The following SCD5 variants were observed in gnomAD, a reference collection of about 807,000 sequenced individuals.
SCD5 encodes stearoyl-CoA desaturase 5.
In SCD5, 20 loss-of-function variants were observed where a neutral mutation model predicts 30.4. That is an observed-to-expected ratio of 0.66 (90% CI 0.46 to 0.96). The LOEUF is 0.96. SCD5 is among the 40% of genes least tolerant of loss of function. The pLI is 0.00. For missense variants in SCD5, 381 were observed against 443.3 expected, an observed-to-expected ratio of 0.86 and a Z score of 1.26; for synonymous variants, 173 against 176.4, an observed-to-expected ratio of 0.98 and a Z score of 0.16.
chr4:82,647,437 A>T (rs903928482), intron 3 of SCD5, among the ~76,000 whole-genome samples: 1 of 152,232 alleles, frequency 6.6e-6, no homozygotes, highest in Admixed American at 6.5e-5. Context: ...CACCGTCATG[A>T]TCAATATCAG....
chr4:82,648,632 A>G (rs984271523), intron 3 of SCD5, among the ~76,000 whole-genome samples: 5 of 152,112 alleles, frequency 3.3e-5, no homozygotes, highest in Non-Finnish European at 5.9e-5. Flanking sequence ...CCTTATATTT[A>G]CTTATTAAAT....
At chr4:82,645,482 A>T (rs940743713) in intron 3 of SCD5, among the ~76,000 whole-genome samples, 23 of 152,212 alleles carry the variant, frequency 1.5e-4, no homozygotes, top group African/African-American at 5.5e-4. Flanking sequence ...TTTACAGGTT[A>T]TTTCTAGAGC....
At chr4:82,660,570 T>A in intron 3 of SCD5, 8 of 1,204,146 alleles carry the variant, frequency 6.6e-6, no homozygotes, top group Non-Finnish European at 8.4e-6. Context: ...TCACATATAT[T>A]AACTAATGTA....
At chr4:82,716,629 C>A (rs1190415595) in intron 1 of SCD5, among the ~76,000 whole-genome samples, 1 of 151,746 alleles carries the variant, frequency 6.6e-6, no homozygotes, top group Non-Finnish European at 1.5e-5. Flanking sequence ...GCCTGGCCAA[C>A]ATGGTGAAAC....
intron 3 of SCD5, among the ~76,000 whole-genome samples, chr4:82,670,028 A>G (rs544419265): frequency 6.6e-6 from 1 of 152,248 alleles, no homozygotes; most frequent in South Asian, 2.1e-4. Flanking sequence ...CTACCCCCAC[A>G]CACCTCCCAC....
At chr4:82,655,011 A>G (rs753476798) in intron 3 of SCD5, among the ~76,000 whole-genome samples, 2 of 152,222 alleles carry the variant, frequency 1.3e-5, no homozygotes, top group Non-Finnish European at 2.9e-5. Context: ...GGCCCTCACC[A>G]TGCCAGTCAG....
intron 2 of SCD5, among the ~76,000 whole-genome samples, chr4:82,688,865 T>A (rs558405619): frequency 6.6e-6 from 1 of 152,304 alleles, no homozygotes; most frequent in South Asian, 2.1e-4. Context: ...AAATAAGACT[T>A]TTCACTTTTA....
intron 2 of SCD5, chr4:82,697,932 T>C (rs1483984522): frequency 2.2e-6 from 1 of 450,178 alleles, no homozygotes; most frequent in Non-Finnish European, 4.5e-6. Flanking sequence ...TTTGCTCTTT[T>C]CTCATGACTT....
chr4:82,712,241 A>AACAT (rs1720106435), intron 1 of SCD5, among the ~76,000 whole-genome samples: 2 of 53,322 alleles, frequency 3.8e-5, no homozygotes, highest in Non-Finnish European at 8.0e-5. Flanking sequence ...GGGACCAACT[A>AACAT]ACATATATAT....
intron 1 of SCD5, among the ~76,000 whole-genome samples, chr4:82,771,809 G>A (rs1721629142): frequency 1.3e-5 from 2 of 152,172 alleles, no homozygotes; most frequent in Admixed American, 6.5e-5. Flanking sequence ...GGTGAAAACT[G>A]TGTCAGAGAA....
chr4:82,648,782 T>A (rs1383258221), intron 3 of SCD5, among the ~76,000 whole-genome samples: 4 of 152,152 alleles, frequency 2.6e-5, no homozygotes, highest in African/African-American at 9.7e-5. Flanking sequence ...ACCAGACAAC[T>A]AAGACTATTC....
intron 2 of SCD5, among the ~76,000 whole-genome samples, chr4:82,689,329 G>C (rs1301236080): frequency 1.3e-5 from 2 of 152,130 alleles, no homozygotes; most frequent in Non-Finnish European, 2.9e-5. Flanking sequence ...GGAGGCTGAG[G>C]ATTTCAAGAC....
chr4:82,752,736 C>T (rs1036871448), intron 1 of SCD5, among the ~76,000 whole-genome samples: 4 of 152,116 alleles, frequency 2.6e-5, no homozygotes, highest in Admixed American at 1.3e-4. Context: ...TCAGTTCTTT[C>T]ACGCTTCTCT....
At chr4:82,752,182 G>C (rs1328112148) in intron 1 of SCD5, among the ~76,000 whole-genome samples, 3 of 152,064 alleles carry the variant, frequency 2.0e-5, no homozygotes, top group Non-Finnish European at 2.9e-5. Flanking sequence ...ATCTGCTCAT[G>C]TATGGGAATT....
intron 2 of SCD5, among the ~76,000 whole-genome samples, chr4:82,686,595 T>C (rs765713330): frequency 5.3e-5 from 8 of 152,192 alleles, no homozygotes; most frequent in African/African-American, 1.2e-4. Flanking sequence ...CAGGATTTGA[T>C]TAAATATTTT....
chr4:82,773,529 C>G (rs147131930), intron 1 of SCD5, among the ~76,000 whole-genome samples: 2 of 152,274 alleles, frequency 1.3e-5, no homozygotes, highest in African/African-American at 4.8e-5. Context: ...AAACTGAGTA[C>G]CCCCACCTCG....
At chr4:82,759,463 T>C (rs998700863) in intron 1 of SCD5, among the ~76,000 whole-genome samples, 2 of 151,986 alleles carry the variant, frequency 1.3e-5, no homozygotes, top group Admixed American at 6.6e-5. Context: ...TAAACCAACT[T>C]TGAAGTCAAG....
intron 1 of SCD5, among the ~76,000 whole-genome samples, chr4:82,726,790 T>C (rs1720508889): frequency 6.6e-6 from 1 of 152,200 alleles, no homozygotes; most frequent in Non-Finnish European, 1.5e-5. Flanking sequence ...CGCGCTGGAC[T>C]GGATAAAGCC....
At chr4:82,734,131 A>G (rs1460906853) in intron 1 of SCD5, among the ~76,000 whole-genome samples, 3 of 152,226 alleles carry the variant, frequency 2.0e-5, no homozygotes, top group Non-Finnish European at 2.9e-5. Flanking sequence ...GAGAATGCCA[A>G]GCTTATGGGG....
Sources: gnomAD v4.1 joint callset for allele counts (sites outside exome capture counted in the v4.1 genomes callset) on GRCh38, gnomAD v4.1.1 for gene constraint, MANE v1.5 for transcripts, NCBI Gene and HGNC (gene_info 2026-07-23, HGNC 2026-07-21) for gene names.